The following PCDH15 variants were observed in gnomAD, a reference collection of about 807,000 sequenced individuals.
PCDH15 encodes the protein protocadherin related 15, also known as protocadherin-15.
In PCDH15, 129 loss-of-function variants were observed where a neutral mutation model predicts 178.5. The ratio of observed to expected loss-of-function variants is 0.72; its 90% CI spans 0.63 to 0.84. The LOEUF is 0.84. Among genes scored for constraint, PCDH15 ranks in the 40% least tolerant of loss-of-function variants. The pLI is 0.00. For synonymous variants in PCDH15, 800 were observed against 732.0 expected (o/e 1.09, Z -1.50); for missense variants, 2,230 against 2,099.9 (o/e 1.06, Z -1.21).
chr10:54,358,585 T>C (rs1945437750), intron 5 of PCDH15, among the ~76,000 whole-genome samples: 1 of 151,306 alleles, frequency 6.6e-6, no homozygotes, highest in Admixed American at 6.6e-5. Context: ...AGTTCAACCA[T>C]TGTGGAAGTC....
intron 2 of PCDH15, among the ~76,000 whole-genome samples, chr10:55,081,161 A>G (rs1842031314): frequency 6.6e-6 from 1 of 152,126 alleles, no homozygotes; most frequent in African/African-American, 2.4e-5. Context: ...AGCTGATCTC[A>G]GCCAAGCTGG....
chr10:55,589,672 C>A (rs1211520766), intron 2 of PCDH15, among the ~76,000 whole-genome samples: 1 of 151,912 alleles, frequency 6.6e-6, no homozygotes, highest in Non-Finnish European at 1.5e-5. Context: ...AGACACTTCT[C>A]AAAAGAAGAC....
chr10:55,475,636 T>C (rs554346154), intron 2 of PCDH15, among the ~76,000 whole-genome samples: 18 of 152,284 alleles, frequency 1.2e-4, no homozygotes, highest in Non-Finnish European at 4.4e-5. Flanking sequence ...CACAATTACT[T>C]TCAGGCTGTG....
At chr10:55,292,390 T>C (rs569194431) in intron 1 of PCDH15, among the ~76,000 whole-genome samples, 3 of 152,268 alleles carry the variant, frequency 2.0e-5, no homozygotes, top group Non-Finnish European at 2.9e-5. Context: ...TTATTTCATG[T>C]TGTTTTTTGA....
intron 23 of PCDH15, among the ~76,000 whole-genome samples, chr10:53,946,922 G>A (rs1236069158): frequency 6.6e-6 from 1 of 151,884 alleles, no homozygotes; most frequent in Non-Finnish European, 1.5e-5. Flanking sequence ...GATTACAGGC[G>A]CCCACCACCA....
chr10:54,160,563 C>T (rs1180425345), intron 13 of PCDH15, among the ~76,000 whole-genome samples: 1 of 152,018 alleles, frequency 6.6e-6, no homozygotes, highest in Non-Finnish European at 1.5e-5. Context: ...AATAAACTTC[C>T]TAAAAATTAA....
rs548682617 is a variant in PCDH15 at position 55,266,869 on chromosome 10, T to C, written c.-156+52730A>G. ...AGGCAGAGGATCTAATTGAGATGAC[T>C]AACACAAGCCGCCTATAGATGGCTA... On this transcript the variant is annotated intron_variant, in intron 1 of 5. Transcript: ENST00000458638. 5.6e-4 allele frequency among the ~76,000 whole-genome samples: 86 copies of C among 152,290 alleles called. 1 individual carries two copies. Among genetic ancestry groups the C allele is most frequent in the Middle Eastern group, 6.8e-3 (2 of 294 alleles).
At chr10:54,475,744 T>G (rs937741659) in intron 3 of PCDH15, among the ~76,000 whole-genome samples, 6 of 151,888 alleles carry the variant, frequency 4.0e-5, no homozygotes, top group African/African-American at 1.2e-4. Flanking sequence ...GTGATATTTA[T>G]GGACATAGCT....
intron 2 of PCDH15, among the ~76,000 whole-genome samples, chr10:54,968,676 T>C (rs1194734594): frequency 6.6e-6 from 1 of 152,084 alleles, no homozygotes; most frequent in Non-Finnish European, 1.5e-5. Flanking sequence ...GTGTGTAGAG[T>C]CTGTCGAATC....
At chr10:55,019,331 A>T (rs1192497937) in intron 2 of PCDH15, among the ~76,000 whole-genome samples, 1 of 151,970 alleles carries the variant, frequency 6.6e-6, no homozygotes, top group Admixed American at 6.6e-5. Flanking sequence ...ATTTGAACTC[A>T]TGTGTTTTTG....
At chr10:54,276,188 A>G (rs997649206) in intron 8 of PCDH15, among the ~76,000 whole-genome samples, 1 of 151,634 alleles carries the variant, frequency 6.6e-6, no homozygotes, top group African/African-American at 2.4e-5. Context: ...GCAAAATAGC[A>G]CCAAAAACAA....
chr10:55,295,285 C>G (rs1020311394), intron 1 of PCDH15, among the ~76,000 whole-genome samples: 1 of 152,132 alleles, frequency 6.6e-6, no homozygotes, highest in Non-Finnish European at 1.5e-5. Context: ...AAAGCAAAAC[C>G]AGTTTGAAAC....
intron 18 of PCDH15, among the ~76,000 whole-genome samples, chr10:54,057,132 G>A (rs1438405254): frequency 1.3e-5 from 2 of 152,182 alleles, no homozygotes; most frequent in African/African-American, 4.8e-5. Context: ...GGTGTTGAGT[G>A]TCTGCGACTT....
chr10:55,417,705 T>C (rs1838517990), intron 2 of PCDH15, among the ~76,000 whole-genome samples: 1 of 151,392 alleles, frequency 6.6e-6, no homozygotes, highest in Admixed American at 6.6e-5. Flanking sequence ...TCAGAAAATT[T>C]ATTTGCTGGG....
chr10:55,626,215 G>C (rs1243714738), intron 2 of PCDH15, among the ~76,000 whole-genome samples: 1 of 152,076 alleles, frequency 6.6e-6, no homozygotes, highest in African/African-American at 2.4e-5. Flanking sequence ...CAAAGCAGCA[G>C]CAGCAGTTCA....
intron 16 of PCDH15, among the ~76,000 whole-genome samples, chr10:54,088,613 T>C (rs2094551608): frequency 6.6e-6 from 1 of 152,180 alleles, no homozygotes; most frequent in South Asian, 2.1e-4. Context: ...TCTCAAAATG[T>C]ACTGACTAAT....
At chr10:54,634,604 G>GA (rs199518223) in intron 2 of PCDH15, among the ~76,000 whole-genome samples, 2,109 of 151,900 alleles carry the variant, frequency 0.014, 40 homozygotes, top group African/African-American at 0.048. Context: ...AGACGCTAAA[G>GA]GAATGGAAAG....
At chr10:54,250,006 G>C (rs1473932953) in intron 8 of PCDH15, among the ~76,000 whole-genome samples, 2 of 151,746 alleles carry the variant, frequency 1.3e-5, no homozygotes, top group East Asian at 3.9e-4. Flanking sequence ...CCACCTCATG[G>C]GCTCGGACCA....
chr10:55,303,701 T>C (rs904058662), intron 1 of PCDH15, among the ~76,000 whole-genome samples: 4 of 152,182 alleles, frequency 2.6e-5, no homozygotes, highest in African/African-American at 9.7e-5. Flanking sequence ...TGTATAGAGT[T>C]GTTTGTAATA....
Sources: gnomAD v4.1 joint callset for allele counts (sites outside exome capture counted in the v4.1 genomes callset) on GRCh38, gnomAD v4.1.1 for gene constraint, MANE v1.5 for transcripts, NCBI Gene and HGNC (gene_info 2026-07-23, HGNC 2026-07-21) for gene names.